Variants in TUT4 observed in about 807,000 individuals in gnomAD.
TUT4 encodes terminal uridylyl transferase 4, also known as terminal uridylyltransferase 4.
Under a neutral mutation model 192.2 loss-of-function variants are expected in TUT4, and 36 were observed. The ratio of observed to expected loss-of-function variants is 0.19; its 90% CI spans 0.14 to 0.25. The LOEUF is 0.25. Ranked by LOEUF, TUT4 falls within the 10% of genes least tolerant of loss-of-function variation. The pLI is 1.00. For synonymous variants in TUT4, 618 were observed against 666.0 expected (o/e 0.93, Z 1.11); for missense variants, 1,493 against 1,957.2 (o/e 0.76, Z 4.47).
rs1289904854 is a variant in TUT4 at position 52,423,693 on chromosome 1, T to C, written c.*242A>G. The C allele has an allele frequency of 2.5e-6, 2 of 788,448 alleles. No individual in the cohort carries two copies. The highest frequency in any genetic ancestry group is 3.8e-6 in the Non-Finnish European group (2 of 532,646). The allele number at this position is 788,448 out of a possible 1,614,324, so 48.8% of individuals were successfully genotyped here. A position where few individuals can be genotyped will look rare whatever the true frequency, so the allele number is the denominator to read the frequency against. The stretch of plus-strand genomic sequence containing the variant: ...TTTGTATCACTCAATTTGGTGATAC[T>C]AGTAAAAACTATAGTTCATATTTAT... On this transcript the variant is annotated 3_prime_UTR_variant, in exon 30 of 30. Transcript: ENST00000257177.
chr1:52,502,866 C>G (rs1185872027), intron 4 of TUT4, among the ~76,000 whole-genome samples: 1 of 152,052 alleles, frequency 6.6e-6, no homozygotes, highest in South Asian at 2.1e-4. Context: ...TCAGGAGATC[C>G]ACCTTCCTTG....
At chr1:52,479,593 T>C (rs148487438) in intron 11 of TUT4, among the ~76,000 whole-genome samples, 8 of 152,256 alleles carry the variant, frequency 5.3e-5, no homozygotes, top group East Asian at 1.9e-4. Context: ...TTTCAGTTAA[T>C]TGAGCAACTG....
chr1:52,541,330 G>A lies in TUT4; in HGVS notation c.-94+11601C>T, dbSNP rs12568826. 7.9e-3 allele frequency among the ~76,000 whole-genome samples: 1,201 copies of A among 152,042 alleles called. 4 individuals are homozygous for A. Among genetic ancestry groups the A allele is most frequent in the Non-Finnish European group, 0.012 (829 of 67,976 alleles). On this transcript the variant is annotated intron_variant, in intron 1 of 29. Coordinates refer to ENST00000257177, the MANE Select transcript of TUT4 (RefSeq NM_001009881.3). ...GTGGATTACCTGAAGTCAGGAGTTC[G>A]AGACTAGCCTGGCCAATGTGGTGAA...
Position 52,482,998 on chromosome 1 carries a change from C to T in TUT4, c.1516-1075G>A, listed in dbSNP as rs186784698. ...AAGAATCGTTTTTCCAAAATCACTA[C>T]AAAAATTCGTATTTTCCACTAGGAA... On this transcript the variant is annotated intron_variant, in intron 9 of 29. Coordinates refer to ENST00000257177, the MANE Select transcript of TUT4 (RefSeq NM_001009881.3). Among the ~76,000 whole-genome samples, 7 of 152,280 alleles carry T rather than the reference C, an allele frequency of 4.6e-5. No individual in the cohort carries two copies. The East Asian group carries it at 1.2e-3, about 25-fold the overall frequency.
chr1:52,435,305 C>T (rs1653400541), intron 27 of TUT4, 60 bp downstream of exon 27: 1 of 1,350,684 alleles, frequency 7.4e-7, no homozygotes, highest in African/African-American at 1.4e-5. Flanking sequence ...AACACTATCA[C>T]CCATTAAAGA....
At chr1:52,487,082 A>G (rs995252977) in intron 9 of TUT4, among the ~76,000 whole-genome samples, 3 of 152,176 alleles carry the variant, frequency 2.0e-5, no homozygotes, top group African/African-American at 2.4e-5. Context: ...TGAATTATCT[A>G]ATAGCATTAC....
At chr1:52,463,566 C>A in intron 16 of TUT4, 1 of 1,244,162 alleles carries the variant, frequency 8.0e-7, no homozygotes, top group South Asian at 1.4e-5. Context: ...GACACCACTA[C>A]AGATGCCAGA....
chr1:52,524,148 T>C (rs1168670748), intron 2 of TUT4, among the ~76,000 whole-genome samples: 1 of 152,168 alleles, frequency 6.6e-6, no homozygotes, highest in African/African-American at 2.4e-5. Flanking sequence ...TCCTAACCAA[T>C]CCCTGCTTCC....
chr1:52,441,685 G>A (rs1557660717), intron 24 of TUT4, among the ~76,000 whole-genome samples: 4 of 152,102 alleles, frequency 2.6e-5, no homozygotes, highest in Non-Finnish European at 1.5e-5. Context: ...CTGTCACACA[G>A]TACTGAAAGT....
intron 12 of TUT4, 103 bp from the exon 13 acceptor site, chr1:52,475,638 T>G (rs984147415): frequency 1.8e-6 from 2 of 1,122,040 alleles, no homozygotes; most frequent in Admixed American, 5.8e-5. Context: ...GGAGAATACA[T>G]TTTCCCAAGG....
intron 2 of TUT4, among the ~76,000 whole-genome samples, chr1:52,519,343 T>C (rs1479630394): frequency 1.3e-5 from 2 of 152,118 alleles, no homozygotes; most frequent in African/African-American, 2.4e-5. Flanking sequence ...AGTAGATTCA[T>C]GGTTGTCAGT....
chr1:52,434,103 T>A (rs1269570006), intron 27 of TUT4: 1 of 152,232 alleles, frequency 6.6e-6, no homozygotes, highest in Non-Finnish European at 1.5e-5. Context: ...ACTCAACAAA[T>A]GTTAACTACA....
chr1:52,423,827 A>G lies in TUT4; in HGVS notation c.*108T>C. 1 of 1,552,242 alleles carries G rather than the reference A, an allele frequency of 6.4e-7. No homozygotes were observed. The highest frequency in any genetic ancestry group is 8.7e-7 in the Non-Finnish European group (1 of 1,148,092). ...TTTGTTTTGCTTTCCATTAAATGTCACTTTTTCTGCTGAATGTAACTGACA... is the reference window on the plus strand; with the variant it reads ...TTTGTTTTGCTTTCCATTAAATGTCGCTTTTTCTGCTGAATGTAACTGACA... On this transcript the variant is annotated 3_prime_UTR_variant, in exon 30 of 30. Coordinates refer to ENST00000257177, the MANE Select transcript of TUT4 (RefSeq NM_001009881.3).
chr1:52,478,374 AG>A (rs1208941376), intron 11 of TUT4, among the ~76,000 whole-genome samples: 1 of 152,230 alleles, frequency 6.6e-6, no homozygotes, highest in African/African-American at 2.4e-5. Flanking sequence ...TCCTTCATTC[AG>A]CAAACATTTC....
intron 2 of TUT4, among the ~76,000 whole-genome samples, chr1:52,518,432 G>T (rs1679283787): frequency 6.6e-6 from 1 of 152,322 alleles, no homozygotes; most frequent in East Asian, 1.9e-4. Context: ...CTTGCTGTGT[G>T]TTCACATGGC....
chr1:52,442,063 G>A (rs568506835), intron 24 of TUT4, among the ~76,000 whole-genome samples: 37 of 150,706 alleles, frequency 2.5e-4, no homozygotes, highest in Middle Eastern at 3.4e-3. Context: ...AGTTACTCTG[G>A]AGGCCAAGGC....
intron 1 of TUT4, among the ~76,000 whole-genome samples, chr1:52,544,266 C>T (rs1244524186): frequency 5.4e-5 from 8 of 147,138 alleles, no homozygotes; most frequent in East Asian, 2.0e-4. Flanking sequence ...TCAGCCTGGG[C>T]GACAGAGTGA....
chr1:52,444,864 G>A (rs1656906348), intron 24 of TUT4, among the ~76,000 whole-genome samples: 1 of 150,314 alleles, frequency 6.7e-6, no homozygotes, highest in African/African-American at 2.5e-5. Flanking sequence ...TTGTGATCAT[G>A]TAAATTAATA....
chr1:52,514,163 G>A (rs1399890222), intron 3 of TUT4, among the ~76,000 whole-genome samples: 3 of 152,092 alleles, frequency 2.0e-5, no homozygotes, highest in South Asian at 2.1e-4. Flanking sequence ...GTAAAAGGCC[G>A]GGCACGGTGG....
Sources: allele counts gnomAD v4.1 joint callset (sites outside exome capture counted in the v4.1 genomes callset), GRCh38; gene constraint gnomAD v4.1.1; transcripts MANE v1.5; gene names NCBI Gene and HGNC (gene_info 2026-07-23, HGNC 2026-07-21).